Variants in PPP1R1C observed in about 807,000 individuals in gnomAD.
The protein encoded by PPP1R1C is protein phosphatase 1 regulatory inhibitor subunit 1C.
PPP1R1C carries 15 observed loss-of-function variants against 17.4 expected under a neutral mutation model. That is an observed-to-expected ratio of 0.86 (90% CI 0.58 to 1.33). The LOEUF (loss-of-function observed/expected upper bound fraction) is 1.33. PPP1R1C is among the 40% of genes most tolerant of loss of function. PPP1R1C has a pLI of 0.00. For missense variants in PPP1R1C, 143 were observed against 130.0 expected (o/e 1.10, Z -0.48); for synonymous variants, 35 against 43.1 (o/e 0.81, Z 0.73).
At chr2:182,043,251 A>G (rs12617778) in intron 2 of PPP1R1C, among the ~76,000 whole-genome samples, 24,671 of 152,148 alleles carry the variant, frequency 0.16, 2,468 homozygotes, top group South Asian at 0.28. Flanking sequence ...ATTTTCTTAA[A>G]CCACCAAAAT....
intron 4 of PPP1R1C, among the ~76,000 whole-genome samples, chr2:182,092,086 G>A (rs1468894707): frequency 1.3e-5 from 2 of 152,160 alleles, no homozygotes; most frequent in Admixed American, 6.5e-5. Context: ...TGGAAGGAGG[G>A]CTAGAGAGAG....
At chr2:182,008,635 A>G (rs906194445) in intron 2 of PPP1R1C, among the ~76,000 whole-genome samples, 1 of 152,224 alleles carries the variant, frequency 6.6e-6, no homozygotes, top group African/African-American at 2.4e-5. Flanking sequence ...TTAGTAAGGT[A>G]TCCATCACCT....
At chr2:182,100,880 G>A (rs530187427) in intron 4 of PPP1R1C, among the ~76,000 whole-genome samples, 3 of 152,124 alleles carry the variant, frequency 2.0e-5, no homozygotes, top group Non-Finnish European at 4.4e-5. Context: ...AGGAAGGATC[G>A]CGATTGTCCC....
chr2:181,960,595 C>G (rs1034599640), intron 1 of PPP1R1C, among the ~76,000 whole-genome samples: 1 of 152,222 alleles, frequency 6.6e-6, no homozygotes. Flanking sequence ...TCTCTCTCCC[C>G]CTCTCTTCAA....
chr2:182,095,729 T>C (rs1688914571), intron 4 of PPP1R1C, among the ~76,000 whole-genome samples: 1 of 152,214 alleles, frequency 6.6e-6, no homozygotes, highest in African/African-American at 2.4e-5. Context: ...CAGTGGCTCA[T>C]GCCTGTAATC....
intron 2 of PPP1R1C, among the ~76,000 whole-genome samples, chr2:182,038,488 G>T (rs531998585): frequency 1.3e-5 from 2 of 152,266 alleles, no homozygotes; most frequent in South Asian, 4.1e-4. Context: ...TAAGTGAAGT[G>T]TTGTTAATGC....
intron 4 of PPP1R1C, among the ~76,000 whole-genome samples, chr2:182,096,167 TG>T (rs1293050715): frequency 6.6e-6 from 1 of 152,150 alleles, no homozygotes; most frequent in Non-Finnish European, 1.5e-5. Context: ...TAGGTAGTTG[TG>T]GGAAAACATA....
At chr2:182,117,177 T>G in intron 4 of PPP1R1C, 30 bp from the exon 5 acceptor site, 1 of 1,425,472 alleles carries the variant, frequency 7.0e-7, no homozygotes, top group East Asian at 2.5e-5. Flanking sequence ...TGAAAATCAT[T>G]TAAATTTTGC....
At chr2:182,023,045 T>C (rs575049329) in intron 2 of PPP1R1C, among the ~76,000 whole-genome samples, 134 of 152,156 alleles carry the variant, frequency 8.8e-4, no homozygotes, top group Non-Finnish European at 1.4e-3. Context: ...TATAAAGAAA[T>C]GGAATAGCAA....
Position 181,961,485 on chromosome 2 carries a change from G to C in PPP1R1C, n.111+6851G>C. Reference sequence around the variant, plus strand: ...TCCTGTTGAGCTGCTCCATCTGCAGGGTGTAGCGGGCCTCCACCTCCCTCA... The same window carrying C: ...TCCTGTTGAGCTGCTCCATCTGCAGCGTGTAGCGGGCCTCCACCTCCCTCA... On this transcript the variant is annotated intron_variant and non_coding_transcript_variant, in intron 1 of 5. Coordinates refer to the PPP1R1C transcript ENST00000464264. This position sits in a 1 kb window ranked among gnomAD's most constrained non-coding sequence, Gnocchi z 5.8. The C allele has an allele frequency of 8.9e-7, 1 of 1,121,124 alleles. No individual in the cohort carries two copies. The highest frequency in any genetic ancestry group is 1.3e-6 in the Non-Finnish European group (1 of 763,874). The allele number at this position is 1,121,124 out of a possible 1,614,324, so 69.4% of individuals were successfully genotyped here.
chr2:182,124,327 G>GTTTTTTTTTTTTTTTTTTT (rs1294464668), intron 5 of PPP1R1C, among the ~76,000 whole-genome samples: 56 of 82,976 alleles, frequency 6.7e-4, no homozygotes, highest in Non-Finnish European at 9.0e-4. Context: ...TTTTTTTTTT[G>GTTTTTTTTTTTTTTTTTTT]TTTTTTTTTT....
At chr2:181,971,554 C>G (rs1472431643) in intron 1 of PPP1R1C, among the ~76,000 whole-genome samples, 1 of 152,146 alleles carries the variant, frequency 6.6e-6, no homozygotes, top group Non-Finnish European at 1.5e-5. Flanking sequence ...CACAAGCACT[C>G]CCTTGGCCAC....
At chr2:182,004,387 G>A (rs1035920886) in intron 2 of PPP1R1C, among the ~76,000 whole-genome samples, 2 of 152,156 alleles carry the variant, frequency 1.3e-5, no homozygotes, top group Admixed American at 6.5e-5. Context: ...ACAATGAAAG[G>A]TGATGGAGTT....
intron 2 of PPP1R1C, among the ~76,000 whole-genome samples, chr2:182,005,005 A>C (rs1238274404): frequency 6.6e-6 from 1 of 152,208 alleles, no homozygotes; most frequent in African/African-American, 2.4e-5. Context: ...CCCTCATTCT[A>C]ATCTCATATG....
At chr2:182,072,006 A>G (rs1353737861) in intron 4 of PPP1R1C, among the ~76,000 whole-genome samples, 2 of 152,196 alleles carry the variant, frequency 1.3e-5, no homozygotes, top group Non-Finnish European at 2.9e-5. Context: ...TTGAATTCCT[A>G]TTTGAGTCAG....
At chr2:182,106,426 G>A (rs1689252862) in intron 4 of PPP1R1C, among the ~76,000 whole-genome samples, 1 of 152,190 alleles carries the variant, frequency 6.6e-6, no homozygotes, top group African/African-American at 2.4e-5. Flanking sequence ...TCAGGACATC[G>A]ATGATGTGGA....
intron 1 of PPP1R1C, among the ~76,000 whole-genome samples, chr2:181,970,653 T>C (rs1160864046): frequency 6.6e-6 from 1 of 152,208 alleles, no homozygotes; most frequent in African/African-American, 2.4e-5. Context: ...TGGCTTTTCC[T>C]TCAGGTGGCA....
chr2:181,996,680 A>T (rs965342294), intron 2 of PPP1R1C, among the ~76,000 whole-genome samples: 1 of 152,230 alleles, frequency 6.6e-6, no homozygotes, highest in Non-Finnish European at 1.5e-5. Context: ...CAAACTAAAA[A>T]GCTAGAGAAT....
At chr2:182,054,342 T>C (rs1201824200) in intron 2 of PPP1R1C, among the ~76,000 whole-genome samples, 1 of 152,222 alleles carries the variant, frequency 6.6e-6, no homozygotes, top group East Asian at 1.9e-4. Flanking sequence ...TATGGCATTT[T>C]ATCTCTTATG....
Sources: gnomAD v4.1 joint callset for allele counts (sites outside exome capture counted in the v4.1 genomes callset) on GRCh38, gnomAD v4.1.1 for gene constraint, Gnocchi (gnomAD v3.1) non-coding constraint, MANE v1.5 for transcripts, NCBI Gene and HGNC (gene_info 2026-07-23, HGNC 2026-07-21) for gene names.